Variants in LTBP4 observed in about 807,000 individuals in gnomAD.
LTBP4 encodes latent-transforming growth factor beta-binding protein 4.
In LTBP4, 93 loss-of-function variants were observed where a neutral mutation model predicts 180.2. That is an observed-to-expected ratio of 0.52 (90% CI 0.44 to 0.61). The LOEUF is 0.61. Among genes scored for constraint, LTBP4 ranks in the 20% least tolerant of loss-of-function variants. LTBP4 has a pLI of 0.00. For missense variants in LTBP4, 2,116 were observed against 2,256.5 expected, an observed-to-expected ratio of 0.94 and a Z score of 1.26; for synonymous variants, 947 against 934.5, an observed-to-expected ratio of 1.01 and a Z score of -0.24.
intron 26 of LTBP4, among the ~76,000 whole-genome samples, chr19:40,625,483 C>G (rs2081627370): frequency 6.6e-6 from 1 of 151,098 alleles, no homozygotes; most frequent in South Asian, 2.1e-4. Context: ...GTCCCAACCA[C>G]TCTTCTCTCA....
Position 40,611,975 on chromosome 19 carries a change from G to A in LTBP4, c.2170G>A (p.Glu724Lys), listed in dbSNP as rs753287623. Residue 724 changes from glutamate (E) to lysine (K), a missense_variant, in exon 14 of 30, where the codon GAG (glutamate) becomes AAG (lysine). By Grantham distance (56) the Glu-to-Lys change is moderately conservative (BLOSUM62 1). Transcript: ENST00000396819. The surrounding 1 kb of genome is among the most constrained non-coding windows in gnomAD (Gnocchi z 4.4). ...CTTCCAACCCAACACTGCTGGCTCC[G>A]AGTGCGAGGGTGAGGCCGGGGAGGG... ...MGFQPNTAGS[E>K]CEDVDECENH... is the part of the protein sequence containing the mutation. 20 of 1,611,844 alleles carry A rather than the reference G, an allele frequency of 1.2e-5. No homozygotes were observed. Among genetic ancestry groups the A allele is most frequent in the African/African-American group, 4.0e-5 (3 of 74,822 alleles).
rs549607668 is a variant in LTBP4, at chr19:40,596,253, A to G, written c.17-2944A>G. On this transcript the variant is annotated intron_variant, in intron 1 of 32. Transcript: ENST00000204005. ...GGATTTTTAATAGAGATGGGGTCCT[A>G]TGTTGTACTATGTTGCTCAGGCTCA... Among the ~76,000 whole-genome samples the G allele has an allele frequency of 7.9e-5, 12 of 152,088 alleles. No individual in the cohort carries two copies. The East Asian group carries it at 2.3e-3, about 29-fold the overall frequency.
chr19:40,629,542 C>G lies in LTBP4; in HGVS notation c.4666C>G (p.Arg1556Gly). The change falls in exon 30 of 30, where the codon CGG becomes GGG. Residue 1556 changes from arginine to glycine, a missense_variant. By Grantham distance (125) the Arg-to-Gly change is moderately radical. Transcript: ENST00000396819. This position sits in a 1 kb window ranked among gnomAD's most constrained non-coding sequence, Gnocchi z 4.5. ...GCACCACTGTGCGCCCGCACGGCCC[C>G]GGGCCTGAGCCCTGGCACCCGCTGG... ...QPHHCAPARP[R>G]A The G allele has an allele frequency of 1.3e-6, 2 of 1,481,626 alleles. No homozygotes were observed. Among genetic ancestry groups the G allele is most frequent in the South Asian group, 2.7e-5 (2 of 74,768 alleles). 91.8% of individuals were successfully genotyped at this position (1,481,626 alleles called of 1,614,324 possible).
intron 1 of LTBP4, 92 bp downstream of exon 1, chr19:40,601,729 C>G: frequency 9.9e-7 from 1 of 1,012,388 alleles, no homozygotes; most frequent in Non-Finnish European, 1.3e-6. Flanking sequence ...GAGAGGGAGC[C>G]CAGATTCCAT....
intron 21 of LTBP4, among the ~76,000 whole-genome samples, chr19:40,617,545 G>A (rs2146038112): frequency 6.6e-6 from 1 of 151,664 alleles, no homozygotes; most frequent in South Asian, 2.1e-4. Context: ...TCAGGAAGCT[G>A]AGGCACAAGA....
upstream of LTBP4, chr19:40,600,272 C>T: frequency 1.7e-6 from 1 of 574,392 alleles, no homozygotes; most frequent in Non-Finnish European, 2.7e-6. This position sits in a 1 kb window ranked among gnomAD's most constrained non-coding sequence, Gnocchi z 4.4. Flanking sequence ...GCCTACCCGC[C>T]CCCCGTTGTA....
chr19:40,622,439 C>G lies in LTBP4; in HGVS notation c.3256C>G (p.Pro1086Ala). The G allele has an allele frequency of 6.3e-7, 1 of 1,587,998 alleles. No homozygotes were observed. Among genetic ancestry groups the G allele is most frequent in the Non-Finnish European group, 8.6e-7 (1 of 1,165,644 alleles). ...PGSQPQAPAS[P>A]VLPARPPPPP... ...CTCGCAGCCCCAGGCACCTGCTAGCCCCGTTCTGCCCGCCAGGCCACCTCC... is the reference window on the plus strand; with the variant it reads ...CTCGCAGCCCCAGGCACCTGCTAGCGCCGTTCTGCCCGCCAGGCCACCTCC... The change falls in exon 23 of 30, where the codon CCC becomes GCC. Residue 1086 changes from proline (P) to alanine (A), a missense_variant. Coordinates refer to ENST00000396819, the MANE Select transcript of LTBP4 (RefSeq NM_001042545.2). The surrounding 1 kb of genome is among the most constrained non-coding windows in gnomAD (Gnocchi z 5.1).
At chr19:40,597,332 GC>G, upstream of LTBP4, 1 of 1,524,664 alleles carries the variant, frequency 6.6e-7, no homozygotes, top group Non-Finnish European at 8.8e-7. Flanking sequence ...CCCAGCCCCA[GC>G]CCCAGCCAGG....
chr19:40,613,876 G>A lies in LTBP4; in HGVS notation c.2558-40G>A. On this transcript the variant is annotated intron_variant, in intron 17 of 29. Coordinates refer to ENST00000396819, the MANE Select transcript of LTBP4 (RefSeq NM_001042545.2). This position sits in a 1 kb window ranked among gnomAD's most constrained non-coding sequence, Gnocchi z 5.0. Reference sequence around the variant, plus strand: ...GGTGTGGCCTAGAATGTTAGGCGGAGCGGGAGGTGGGCCGGGCCTTCGGAC... The same window carrying A: ...GGTGTGGCCTAGAATGTTAGGCGGAACGGGAGGTGGGCCGGGCCTTCGGAC... 1.9e-6 allele frequency: 3 copies of A among 1,612,394 alleles called. No homozygotes were observed.
In LTBP4 at chr19:40,613,054, A is replaced by T. The variant is rs775457083; in HGVS notation, c.2300-11A>T. 4.4e-6 allele frequency: 7 copies of T among 1,608,338 alleles called. No individual in the cohort carries two copies. The highest frequency in any genetic ancestry group is 5.9e-6 in the Non-Finnish European group (7 of 1,177,830). On this transcript the variant is annotated splice_polypyrimidine_tract_variant and intron_variant, in intron 15 of 29. Transcript: ENST00000396819. The surrounding 1 kb of genome is among the most constrained non-coding windows in gnomAD (Gnocchi z 5.0). ...GACTGGACCCTTTCTGAACACCCCC[A>T]CCCCCCACAGATGTGGACGAATGCA...
chr19:40,629,418 C>A lies in LTBP4; in HGVS notation c.4542C>A (p.Ala1514=), dbSNP rs751168401. 8 of 1,612,910 alleles carry A rather than the reference C, an allele frequency of 5.0e-6. No individual in the cohort carries two copies. The South Asian group carries it at 6.6e-5, about 13-fold the overall frequency. The change falls in exon 30 of 30, where the codon GCC becomes GCA. Residue 1514 remains alanine, a synonymous_variant. Transcript: ENST00000396819. The surrounding 1 kb of genome is among the most constrained non-coding windows in gnomAD (Gnocchi z 4.5). ...ACVDINECDE[A]EAASPLCVNA... ...CAGACATCAACGAGTGTGATGAGGCCGAGGCTGCCTCCCCGCTGTGCGTCA... is the reference window on the plus strand; with the variant it reads ...CAGACATCAACGAGTGTGATGAGGCAGAGGCTGCCTCCCCGCTGTGCGTCA...
rs1489832695 is a variant in LTBP4 at position 40,609,829 on chromosome 19, G to C, written c.1642G>C (p.Gly548Arg). Reference sequence around the variant, plus strand: ...ACCAGGCAGCTTCCGCTGCGTGTGCGGCCCGGGCTTCCGAGCCGGCCCACG... The same window carrying C: ...ACCAGGCAGCTTCCGCTGCGTGTGCCGCCCGGGCTTCCGAGCCGGCCCACG... The part of the protein sequence containing the change: ...NSPGSFRCVC[G>R]PGFRAGPRAA... The change falls in exon 11 of 30, where the codon GGC (glycine) becomes CGC (arginine). Residue 548 changes from glycine (G) to arginine (R), a missense_variant. Gly to Arg is a moderately radical substitution (Grantham distance 125, BLOSUM62 -2). Transcript: ENST00000396819. The surrounding 1 kb of genome is among the most constrained non-coding windows in gnomAD (Gnocchi z 4.9). 4.4e-6 allele frequency: 7 copies of C among 1,599,668 alleles called. No individual in the cohort carries two copies. The highest frequency in any genetic ancestry group is 6.0e-6 in the Non-Finnish European group (7 of 1,173,092).
rs2081487415 is a variant in LTBP4 at position 40,609,365 on chromosome 19, C to T, written c.1427-165C>T. Among the ~76,000 whole-genome samples the T allele has an allele frequency of 1.3e-5, 2 of 152,006 alleles. No individual in the cohort carries two copies. The highest frequency in any genetic ancestry group is 4.1e-4 in the South Asian group (2 of 4,826). The stretch of plus-strand genomic sequence containing the variant: ...GATTCGGCCAAGGATCTGATGAGAA[C>T]GTTCCAGGATAAAAAAGATGGAGAT... On this transcript the variant is annotated intron_variant, in intron 9 of 29. Coordinates refer to ENST00000396819, the MANE Select transcript of LTBP4 (RefSeq NM_001042545.2). This position sits in a 1 kb window ranked among gnomAD's most constrained non-coding sequence, Gnocchi z 4.9.
intron 21 of LTBP4, among the ~76,000 whole-genome samples, chr19:40,617,643 C>CAAAAAAAAAA (rs56053315): frequency 8.4e-6 from 1 of 118,766 alleles, no homozygotes. Context: ...GACCCTGTCT[C>CAAAAAAAAAA]AAAAAAAAAA....
chr19:40,603,528 A>G (rs1460794663), intron 1 of LTBP4, among the ~76,000 whole-genome samples: 1 of 152,202 alleles, frequency 6.6e-6, no homozygotes, highest in Non-Finnish European at 1.5e-5. Context: ...TCCTGCTGAA[A>G]GGACGCCTCA....
chr19:40,606,168 TCTCTGCCCACTCCATTCTCG>T, intron 4 of LTBP4, 45 bp from the exon 5 acceptor site: 3 of 1,407,082 alleles, frequency 2.1e-6, no homozygotes, highest in Non-Finnish European at 3.0e-6. Context: ...CCCGTCTTCG[TCTCTGCCCACTCCATTCTCG>T]CTCTGCCCAC....
chr19:40,608,674 A>G, intron 9 of LTBP4, 71 bp downstream of exon 9: 2 of 1,518,358 alleles, frequency 1.3e-6, no homozygotes, highest in Non-Finnish European at 1.8e-6. Flanking sequence ...GCATTTTGGG[A>G]GGCTGAGGAG....
At position 40,605,781 on chromosome 19, in the gene LTBP4, C is replaced by A. The variant is rs1426458642; in HGVS notation, c.743C>A (p.Ala248Asp). Residue 248 changes from alanine to aspartate, a missense_variant, in exon 4 of 30, where the codon GCC becomes GAC. By Grantham distance (126) the Ala-to-Asp change is moderately radical. Transcript: ENST00000396819. The surrounding 1 kb of genome is among the most constrained non-coding windows in gnomAD (Gnocchi z 5.5). ...ACGCAGGAGGTCTGCTGCCGAGGGG[C>A]CGGCTTGGCCTGGGGCGTTCACGAC... ...LRTQEVCCRG[A>D]GLAWGVHDCQ... 2 of 1,541,952 alleles carry A rather than the reference C, an allele frequency of 1.3e-6. No individual in the cohort carries two copies. The highest frequency in any genetic ancestry group is 1.7e-6 in the Non-Finnish European group (2 of 1,146,746).
chr19:40,609,727 G>A lies in LTBP4; in HGVS notation c.1559-19G>A. On this transcript the variant is annotated intron_variant, in intron 10 of 29. Coordinates refer to ENST00000396819, the MANE Select transcript of LTBP4 (RefSeq NM_001042545.2). The surrounding 1 kb of genome is among the most constrained non-coding windows in gnomAD (Gnocchi z 4.9). ...GCTTTGCCTGGTCACCTTGTCACCA[G>A]CCCCCTCCGTGTCCTCAGATGTGGA... The A allele has an allele frequency of 6.2e-7, 1 of 1,611,340 alleles. No homozygotes were observed. Among genetic ancestry groups the A allele is most frequent in the Non-Finnish European group, 8.5e-7 (1 of 1,178,286 alleles).
Sources: allele counts gnomAD v4.1 joint callset (sites outside exome capture counted in the v4.1 genomes callset), GRCh38; gene constraint gnomAD v4.1.1; non-coding constraint Gnocchi (gnomAD v3.1); transcripts MANE v1.5; gene names NCBI Gene and HGNC (gene_info 2026-07-23, HGNC 2026-07-21).